Variants in TEKT5 observed in about 807,000 individuals in gnomAD.
TEKT5 encodes the protein tektin-5.
In TEKT5, 52 loss-of-function variants were observed where a neutral mutation model predicts 48.7. The observed-to-expected ratio is 1.07, with a 90% CI of 0.86 to 1.35. The LOEUF is 1.35. Among genes scored for constraint, TEKT5 ranks in the 40% most tolerant of loss-of-function variants. TEKT5 has a pLI of 0.00. For synonymous variants in TEKT5, 318 were observed against 267.6 expected (o/e 1.19, Z -1.84); for missense variants, 831 against 641.6 (o/e 1.30, Z -3.19).
intron 5 of TEKT5, among the ~76,000 whole-genome samples, chr16:10,652,806 A>C: frequency 7.8e-6 from 1 of 127,966 alleles, no homozygotes; most frequent in African/African-American, 3.0e-5. Flanking sequence ...CCTCCAGGCC[A>C]GGTAGAACGA....
At chr16:10,639,067 G>A (rs1267577501) in intron 5 of TEKT5, among the ~76,000 whole-genome samples, 1 of 152,162 alleles carries the variant, frequency 6.6e-6, no homozygotes, top group Non-Finnish European at 1.5e-5. Flanking sequence ...CATTTTGGGA[G>A]GCCAAAGTGG....
chr16:10,631,817 G>A (rs931651729), intron 6 of TEKT5, among the ~76,000 whole-genome samples: 1 of 152,194 alleles, frequency 6.6e-6, no homozygotes, highest in South Asian at 2.1e-4. Context: ...GAAGGGAACA[G>A]AGCCTCTCTC....
At chr16:10,629,044 A>C (rs1469606869) in intron 6 of TEKT5, among the ~76,000 whole-genome samples, 1 of 152,218 alleles carries the variant, frequency 6.6e-6, no homozygotes, top group African/African-American at 2.4e-5. Context: ...AATGTCCAGA[A>C]GAGGCAAAGC....
intron 6 of TEKT5, among the ~76,000 whole-genome samples, chr16:10,632,026 C>T (rs1297061310): frequency 6.6e-6 from 1 of 152,182 alleles, no homozygotes; most frequent in Non-Finnish European, 1.5e-5. Flanking sequence ...GGAGAAGAGA[C>T]AGTGAAACTG....
intron 1 of TEKT5, among the ~76,000 whole-genome samples, chr16:10,691,559 G>T (rs1480309452): frequency 6.6e-6 from 1 of 152,182 alleles, no homozygotes; most frequent in Non-Finnish European, 1.5e-5. Flanking sequence ...GAAACAGACA[G>T]GAAGCCATTG....
intron 5 of TEKT5, among the ~76,000 whole-genome samples, chr16:10,662,841 G>T (rs1276262609): frequency 1.3e-5 from 2 of 152,186 alleles, no homozygotes; most frequent in Non-Finnish European, 2.9e-5. Flanking sequence ...TGTAAAACAG[G>T]TCTAATAATA....
intron 5 of TEKT5, among the ~76,000 whole-genome samples, chr16:10,669,585 T>TA (rs1898520343): frequency 6.6e-6 from 1 of 152,202 alleles, no homozygotes; most frequent in Admixed American, 6.5e-5. Flanking sequence ...TCAGTGATAT[T>TA]AATGCTATAT....
At chr16:10,627,957 A>G (rs1364555418) in intron 6 of TEKT5, among the ~76,000 whole-genome samples, 158 bp from the exon 7 acceptor site, 2 of 138,542 alleles carry the variant, frequency 1.4e-5, no homozygotes, top group Non-Finnish European at 3.3e-5. Flanking sequence ...ATTCTGCCTC[A>G]GCCTCCCGAG....
In TEKT5 at chr16:10,627,883, C is replaced by T. The variant is rs1223989055; in HGVS notation, c.1242-84G>A. On this transcript the variant is annotated intron_variant, in intron 6 of 6. Transcript: ENST00000283025. ...TTTGAGACAGAGTCTCACTCTGTCACCCAGGCTGGAGTGCAGTGGCACAAT... is the reference window on the plus strand; with the variant it reads ...TTTGAGACAGAGTCTCACTCTGTCATCCAGGCTGGAGTGCAGTGGCACAAT... 7.4e-6 allele frequency: 10 copies of T among 1,349,126 alleles called. No individual in the cohort carries two copies. The African/African-American group carries it at 1.0e-4, about 14-fold the overall frequency. 83.6% of individuals were successfully genotyped at this position (1,349,126 alleles called of 1,614,324 possible).
chr16:10,627,902 G>A (rs1596397393), intron 6 of TEKT5, 103 bp from the exon 7 acceptor site: 2 of 1,107,706 alleles, frequency 1.8e-6, no homozygotes, highest in Non-Finnish European at 1.3e-6. Context: ...GAGTGCAGTG[G>A]CACAATCTCG....
intron 3 of TEKT5, 49 bp from the exon 4 acceptor site, chr16:10,682,185 C>T: frequency 6.3e-7 from 1 of 1,592,780 alleles, no homozygotes; most frequent in South Asian, 1.1e-5. Flanking sequence ...GCACAGAGTA[C>T]CCAGCTTGGG....
chr16:10,651,731 G>A (rs1898163227), intron 5 of TEKT5, among the ~76,000 whole-genome samples: 1 of 152,088 alleles, frequency 6.6e-6, no homozygotes, highest in Non-Finnish European at 1.5e-5. Context: ...AGGCCGAGGT[G>A]GGAGGATCAC....
chr16:10,676,255 C>G, intron 4 of TEKT5, 74 bp from the exon 5 acceptor site: 1 of 1,443,408 alleles, frequency 6.9e-7, no homozygotes, highest in Non-Finnish European at 9.7e-7. Context: ...CCTTGGCAGT[C>G]TTGGCCTCTG....
chr16:10,663,437 T>A (rs1548955), intron 5 of TEKT5, among the ~76,000 whole-genome samples: 31,415 of 151,882 alleles, frequency 0.21, 4,420 homozygotes, highest in East Asian at 0.46. Context: ...AGCCAAGGAG[T>A]TTCCAAGGAG....
chr16:10,642,551 C>A (rs1331789040), intron 5 of TEKT5, among the ~76,000 whole-genome samples: 2 of 152,112 alleles, frequency 1.3e-5, no homozygotes, highest in Non-Finnish European at 2.9e-5. Context: ...CCCCTGTGGA[C>A]CCCTGTGGTG....
chr16:10,675,086 A>T (rs1898621010), intron 5 of TEKT5, among the ~76,000 whole-genome samples: 1 of 152,140 alleles, frequency 6.6e-6, no homozygotes, highest in African/African-American at 2.4e-5. Flanking sequence ...TCAGCCTCCC[A>T]AAGTGCTGGG....
intron 5 of TEKT5, among the ~76,000 whole-genome samples, chr16:10,649,964 C>T (rs1251933620): frequency 6.6e-6 from 1 of 152,184 alleles, no homozygotes; most frequent in Non-Finnish European, 1.5e-5. Context: ...AGGTTGGAGA[C>T]TGGAACTGAC....
At chr16:10,663,597 G>C (rs1196473851) in intron 5 of TEKT5, among the ~76,000 whole-genome samples, 2 of 152,272 alleles carry the variant, frequency 1.3e-5, no homozygotes, top group South Asian at 4.1e-4. Context: ...GAGGGACCCG[G>C]TCAGGGATTC....
At chr16:10,647,382 G>A (rs1385175626) in intron 5 of TEKT5, among the ~76,000 whole-genome samples, 1 of 151,734 alleles carries the variant, frequency 6.6e-6, no homozygotes, top group South Asian at 2.1e-4. Context: ...TGAGGCAGGA[G>A]GATCGCTTAA....
Sources: allele counts gnomAD v4.1 joint callset (sites outside exome capture counted in the v4.1 genomes callset), GRCh38; gene constraint gnomAD v4.1.1; transcripts MANE v1.5; gene names NCBI Gene and HGNC (gene_info 2026-07-23, HGNC 2026-07-21).